Variants in ASTN2 observed in about 807,000 individuals in gnomAD.
The protein encoded by ASTN2 is astrotactin 2, also known as astrotactin-2.
ASTN2 carries 54 observed loss-of-function variants against 139.8 expected under a neutral mutation model. The ratio of observed to expected loss-of-function variants is 0.39; its 90% CI spans 0.31 to 0.48. The LOEUF (loss-of-function observed/expected upper bound fraction) is 0.48, where lower values mean the gene tolerates loss of function less well. Among genes scored for constraint, ASTN2 ranks in the 20% least tolerant of loss-of-function variants. The probability of loss-of-function intolerance (pLI) is 0.95; values close to 1 mark genes in which losing one functional copy is unlikely to be tolerated. For missense variants in ASTN2, 1,565 were observed against 1,725.1 expected, an observed-to-expected ratio of 0.91 and a Z score of 1.64; for synonymous variants, 756 against 719.5, an observed-to-expected ratio of 1.05 and a Z score of -0.81.
chr9:116,687,525 G>C (rs1312268285), intron 16 of ASTN2: 4 of 130,118 alleles, frequency 3.1e-5, no homozygotes, highest in African/African-American at 1.1e-4. Context: ...GGGGGGGGCA[G>C]GACTAGGGTG....
chr9:116,948,785 G>GTTTTC (rs1835471020), intron 10 of ASTN2, among the ~76,000 whole-genome samples: 1 of 49,472 alleles, frequency 2.0e-5, no homozygotes, highest in Non-Finnish European at 3.4e-5. Flanking sequence ...ATAATTTGGT[G>GTTTTC]TTTTTTTTTT....
intron 12 of ASTN2, among the ~76,000 whole-genome samples, chr9:116,817,373 T>G (rs772240808): frequency 1.3e-5 from 2 of 151,978 alleles, no homozygotes; most frequent in Non-Finnish European, 2.9e-5. Context: ...ACCTGATGCC[T>G]CTTAGGGCTC....
chr9:117,291,583 C>A (rs1044530556), intron 1 of ASTN2, 70 bp from the exon 2 acceptor site: 40 of 1,434,166 alleles, frequency 2.8e-5, no homozygotes, highest in Non-Finnish European at 3.7e-5. Context: ...AGGAAAAGAG[C>A]CCACATAATC....
At chr9:116,726,719 C>T (rs886250950) in intron 15 of ASTN2, among the ~76,000 whole-genome samples, 1 of 151,352 alleles carries the variant, frequency 6.6e-6, no homozygotes, top group Non-Finnish European at 1.5e-5. Flanking sequence ...TAGGCTAAGT[C>T]CTCAGCACTT....
chr9:116,997,591 C>T (rs1003193634), intron 7 of ASTN2, among the ~76,000 whole-genome samples: 1 of 152,136 alleles, frequency 6.6e-6, no homozygotes, highest in African/African-American at 2.4e-5. Context: ...CCTCTCTTTT[C>T]TCAATGCTAA....
rs533236140 is a variant in ASTN2, at chr9:116,698,479, T to C, written c.2806+27292A>G. On this transcript the variant is annotated intron_variant, in intron 16 of 22. Coordinates refer to ENST00000313400, the MANE Select transcript of ASTN2 (RefSeq NM_001365068.1). This position sits in a 1 kb window ranked among gnomAD's most constrained non-coding sequence, Gnocchi z 4.4. ...CGCTGTGACTACTTCCTGGCCAAGA[T>C]CAAGCAGGCAGATGTAGCACTACTG... 12 of 1,613,674 alleles carry C rather than the reference T, an allele frequency of 7.4e-6. No individual in the cohort carries two copies. The highest frequency in any genetic ancestry group is 1.0e-5 in the Non-Finnish European group (12 of 1,179,970).
At chr9:116,520,300 C>T (rs1445959274) in intron 19 of ASTN2, among the ~76,000 whole-genome samples, 2 of 152,076 alleles carry the variant, frequency 1.3e-5, no homozygotes, top group Non-Finnish European at 2.9e-5. Flanking sequence ...AGACAATCCA[C>T]CATGATCAAG....
At chr9:117,241,112 G>T (rs921622028) in intron 2 of ASTN2, among the ~76,000 whole-genome samples, 39 of 152,172 alleles carry the variant, frequency 2.6e-4, no homozygotes, top group African/African-American at 8.9e-4. Flanking sequence ...GGGACCATTC[G>T]CTCTGACAGT....
At chr9:117,366,722 A>T (rs1453924376) in intron 1 of ASTN2, among the ~76,000 whole-genome samples, 2 of 151,774 alleles carry the variant, frequency 1.3e-5, no homozygotes, top group Admixed American at 6.6e-5. Context: ...TGCTCCAGCA[A>T]CTGTAGCTCT....
At chr9:117,138,792 CA>C (rs1326020897) in intron 4 of ASTN2, among the ~76,000 whole-genome samples, 1 of 152,136 alleles carries the variant, frequency 6.6e-6, no homozygotes, top group African/African-American at 2.4e-5. Flanking sequence ...TAACTTAAAA[CA>C]GACTTTTATT....
Position 116,854,060 on chromosome 9 carries a change from G to A in ASTN2, c.2040+9523C>T, listed in dbSNP as rs115188840. Among the ~76,000 whole-genome samples the A allele has an allele frequency of 6.1e-3, 925 of 152,246 alleles. 8 individuals are homozygous for A. The highest frequency in any genetic ancestry group is 0.021 in the African/African-American group (867 of 41,542). On this transcript the variant is annotated intron_variant, in intron 11 of 22. Transcript: ENST00000313400. ...TATCAACCTGCTTTGGCCCAATTTG[G>A]CCCGAATTCCCTGCTCTAGAACTGA... is the stretch of plus-strand genomic sequence containing the variant.
intron 3 of ASTN2, 143 bp from the exon 4 acceptor site, chr9:117,141,621 C>T (rs1046073471): frequency 5.0e-6 from 3 of 597,256 alleles, no homozygotes; most frequent in East Asian, 1.4e-4. Context: ...AACTCCCTCC[C>T]TGACCCATTG....
intron 3 of ASTN2, among the ~76,000 whole-genome samples, chr9:117,161,138 G>T (rs1830541424): frequency 6.6e-6 from 1 of 151,992 alleles, no homozygotes; most frequent in South Asian, 2.1e-4. Context: ...ACATGTTAAA[G>T]CATCTGACAC....
At chr9:117,198,644 G>A (rs1384409767) in intron 3 of ASTN2, among the ~76,000 whole-genome samples, 1 of 152,114 alleles carries the variant, frequency 6.6e-6, no homozygotes, top group Non-Finnish European at 1.5e-5. Context: ...ATTCCTTTGG[G>A]TATATACCCA....
chr9:116,429,953 C>T (rs919748514), intron 22 of ASTN2, among the ~76,000 whole-genome samples: 9 of 152,126 alleles, frequency 5.9e-5, no homozygotes, highest in Admixed American at 1.3e-4. Context: ...GAGGAAATAG[C>T]CCATCCCAAG....
At chr9:117,030,759 GA>G (rs376881436) in intron 6 of ASTN2, among the ~76,000 whole-genome samples, 3,562 of 129,634 alleles carry the variant, frequency 0.027, 126 homozygotes, top group African/African-American at 0.082. Context: ...GAGATTTGAA[GA>G]AAAAAAAAAA....
At chr9:116,603,267 G>GA (rs144862546) in intron 19 of ASTN2, among the ~76,000 whole-genome samples, 3 of 152,340 alleles carry the variant, frequency 2.0e-5, no homozygotes, top group Non-Finnish European at 2.9e-5. Context: ...CCAAGCAAGA[G>GA]AAAGTCCTAA....
intron 16 of ASTN2, chr9:116,697,324 C>T: frequency 4.5e-6 from 1 of 223,288 alleles, no homozygotes; most frequent in Non-Finnish European, 9.1e-6. Context: ...TTACTTAGCC[C>T]TTATAATAAC....
chr9:117,169,994 C>G (rs953273032), intron 3 of ASTN2, among the ~76,000 whole-genome samples: 1 of 152,046 alleles, frequency 6.6e-6, no homozygotes, highest in African/African-American at 2.4e-5. Context: ...AATCCCTGTT[C>G]CAGCACATCC....
Sources: allele counts gnomAD v4.1 joint callset (sites outside exome capture counted in the v4.1 genomes callset), GRCh38; gene constraint gnomAD v4.1.1; non-coding constraint Gnocchi (gnomAD v3.1); transcripts MANE v1.5; gene names NCBI Gene and HGNC (gene_info 2026-07-23, HGNC 2026-07-21).